DOCK3: variants seen among roughly 807,000 people sequenced by gnomAD.
DOCK3 encodes dedicator of cytokinesis 3, also known as dedicator of cytokinesis protein 3.
Under a neutral mutation model 265.6 loss-of-function variants are expected in DOCK3, and 60 were observed. That is an observed-to-expected ratio of 0.23 (90% CI 0.18 to 0.28). The LOEUF (loss-of-function observed/expected upper bound fraction) is 0.28. Ranked by LOEUF, DOCK3 falls within the 10% of genes least tolerant of loss-of-function variation. The pLI, the probability that DOCK3 is intolerant of heterozygous loss-of-function variation, is 1.00. For synonymous variants in DOCK3, 881 were observed against 938.0 expected (o/e 0.94, Z 1.11); for missense variants, 1,981 against 2,594.3 (o/e 0.76, Z 5.14).
intron 9 of DOCK3, among the ~76,000 whole-genome samples, chr3:51,125,082 A>C (rs1282126333): frequency 6.6e-6 from 1 of 152,012 alleles, no homozygotes; most frequent in Non-Finnish European, 1.5e-5. Flanking sequence ...AGATCACGCC[A>C]CTGCACTCCA....
intron 24 of DOCK3, among the ~76,000 whole-genome samples, chr3:51,274,150 TG>T (rs1393933789): frequency 6.6e-6 from 1 of 152,144 alleles, no homozygotes; most frequent in Admixed American, 6.5e-5. Flanking sequence ...TCATTTGAAG[TG>T]TTCAGTAGGA....
chr3:50,907,374 A>G (rs1204471478), intron 4 of DOCK3, among the ~76,000 whole-genome samples: 1 of 151,862 alleles, frequency 6.6e-6, no homozygotes, highest in East Asian at 1.9e-4. Context: ...TCCCATTATT[A>G]TTGTTTGGAG....
chr3:51,211,451 T>C (rs1482367232), intron 13 of DOCK3, among the ~76,000 whole-genome samples: 1 of 152,088 alleles, frequency 6.6e-6, no homozygotes, highest in Non-Finnish European at 1.5e-5. Flanking sequence ...ATGTGCCATG[T>C]TGGTGTGCTG....
intron 9 of DOCK3, among the ~76,000 whole-genome samples, chr3:51,143,167 G>A (rs899972251): frequency 4.0e-5 from 6 of 151,878 alleles, no homozygotes; most frequent in South Asian, 2.1e-4. Context: ...GATTACAGGC[G>A]TGAGCCACCG....
At chr3:51,146,263 C>G (rs1156616690) in intron 9 of DOCK3, among the ~76,000 whole-genome samples, 1 of 152,162 alleles carries the variant, frequency 6.6e-6, no homozygotes, top group Non-Finnish European at 1.5e-5. Flanking sequence ...ATATAAGATA[C>G]AGTACTCCTT....
chr3:51,039,216 A>C (rs962963112), intron 5 of DOCK3, among the ~76,000 whole-genome samples: 2 of 152,014 alleles, frequency 1.3e-5, no homozygotes, highest in African/African-American at 4.8e-5. Context: ...GGCTGGTCTC[A>C]AACTCCTCAC....
intron 27 of DOCK3, among the ~76,000 whole-genome samples, chr3:51,290,558 A>G (rs988509085): frequency 1.1e-4 from 16 of 152,048 alleles, no homozygotes; most frequent in Non-Finnish European, 2.1e-4. Flanking sequence ...GAGGGGAGGG[A>G]TAGCATTAGG....
chr3:50,982,295 TTTG>T (rs1233510610), intron 5 of DOCK3, among the ~76,000 whole-genome samples: 1 of 152,214 alleles, frequency 6.6e-6, no homozygotes, highest in Non-Finnish European at 1.5e-5. Context: ...TCATATTCTT[TTTG>T]TTAATTGTTT....
chr3:51,033,347 A>C (rs1575827603), intron 5 of DOCK3, among the ~76,000 whole-genome samples: 1 of 152,192 alleles, frequency 6.6e-6, no homozygotes, highest in Non-Finnish European at 1.5e-5. Context: ...AAATGCCTTG[A>C]TCCTTCCTTA....
intron 5 of DOCK3, among the ~76,000 whole-genome samples, chr3:51,038,403 A>G (rs1485138555): frequency 6.6e-6 from 1 of 152,228 alleles, no homozygotes; most frequent in Non-Finnish European, 1.5e-5. Flanking sequence ...TGGAGATTTC[A>G]TGAGCCCCAG....
intron 2 of DOCK3, among the ~76,000 whole-genome samples, chr3:50,840,348 AT>A (rs1233197260): frequency 7.9e-5 from 12 of 152,254 alleles, no homozygotes; most frequent in Admixed American, 3.9e-4. Context: ...ATAGTTTTGC[AT>A]TTTATGTTAA....
At chr3:51,312,354 G>A in intron 29 of DOCK3, 122 bp from the exon 30 acceptor site, 1 of 978,862 alleles carries the variant, frequency 1.0e-6, no homozygotes, top group Admixed American at 2.8e-5. Flanking sequence ...ATTTAAAAGG[G>A]AAAAAAAATG....
At chr3:51,362,954 T>C (rs181712803) in intron 49 of DOCK3, among the ~76,000 whole-genome samples, 1 of 152,340 alleles carries the variant, frequency 6.6e-6, no homozygotes, top group East Asian at 1.9e-4. Context: ...TTCTTTCCCA[T>C]TGAAAGTTTT....
chr3:51,020,313 G>A (rs970765062), intron 5 of DOCK3, among the ~76,000 whole-genome samples: 2 of 151,522 alleles, frequency 1.3e-5, no homozygotes, highest in Non-Finnish European at 2.9e-5. Flanking sequence ...TTTTTAGTGG[G>A]GTTGTTTGTT....
At chr3:51,170,444 T>A (rs2086618822) in intron 12 of DOCK3, among the ~76,000 whole-genome samples, 1 of 152,176 alleles carries the variant, frequency 6.6e-6, no homozygotes, top group Admixed American at 6.5e-5. Context: ...GATTTTTTTT[T>A]ATTCTTTATG....
intron 3 of DOCK3, among the ~76,000 whole-genome samples, chr3:50,886,405 A>T (rs1295655869): frequency 4.6e-5 from 7 of 151,660 alleles, no homozygotes; most frequent in South Asian, 2.1e-4. Context: ...TCCTTTTTTT[A>T]AAAAATTTTA....
At chr3:51,270,411 G>A (rs1381403385) in intron 23 of DOCK3, among the ~76,000 whole-genome samples, 3 of 152,156 alleles carry the variant, frequency 2.0e-5, no homozygotes, top group East Asian at 1.9e-4. Context: ...AGCTCTCTCT[G>A]CCATACTTTC....
At chr3:51,146,320 T>G (rs2085301606) in intron 9 of DOCK3, among the ~76,000 whole-genome samples, 1 of 152,204 alleles carries the variant, frequency 6.6e-6, no homozygotes, top group Non-Finnish European at 1.5e-5. Flanking sequence ...AACACACAGC[T>G]ACAATCAGCA....
intron 3 of DOCK3, among the ~76,000 whole-genome samples, chr3:50,847,207 T>C (rs1024766238): frequency 2.6e-5 from 4 of 152,224 alleles, no homozygotes; most frequent in South Asian, 4.1e-4. Flanking sequence ...TTTTTTGATT[T>C]CTGCCTTAAT....
Sources: gnomAD v4.1 joint callset for allele counts (sites outside exome capture counted in the v4.1 genomes callset) on GRCh38, gnomAD v4.1.1 for gene constraint, MANE v1.5 for transcripts, NCBI Gene and HGNC (gene_info 2026-07-23, HGNC 2026-07-21) for gene names.